HPSE2: variants seen among roughly 807,000 people sequenced by gnomAD.
The protein encoded by HPSE2 is inactive heparanase-2.
Under a neutral mutation model 60.5 loss-of-function variants are expected in HPSE2, and 38 were observed. The ratio of observed to expected loss-of-function variants is 0.63; its 90% CI spans 0.48 to 0.82. The LOEUF (loss-of-function observed/expected upper bound fraction) is 0.82. Ranked by LOEUF, HPSE2 falls within the 40% of genes least tolerant of loss-of-function variation. HPSE2 has a pLI of 0.00. For synonymous variants in HPSE2, 295 were observed against 293.2 expected (o/e 1.01, Z -0.06); for missense variants, 713 against 740.4 (o/e 0.96, Z 0.43).
chr10:99,306,052 G>A, the HPSE2 span, among the ~76,000 whole-genome samples: 2 of 147,372 alleles, frequency 1.4e-5, no homozygotes, highest in Non-Finnish European at 3.0e-5. Context: ...AAGGAAGAGA[G>A]AAGAAAAAAA....
chr10:99,244,382 TTTA>T, the HPSE2 span, among the ~76,000 whole-genome samples: 22,824 of 134,048 alleles, frequency 0.17, 2,872 homozygotes, highest in African/African-American at 0.36. Context: ...TTTTATTTCT[TTTA>T]TTATTATTAT....
At chr10:99,141,206 CCTT>C (rs896023047) in intron 3 of HPSE2, among the ~76,000 whole-genome samples, 3 of 152,136 alleles carry the variant, frequency 2.0e-5, no homozygotes, top group Non-Finnish European at 4.4e-5. Context: ...ATTAGCCACT[CCTT>C]GAGTGACATG....
At chr10:98,561,171 T>TTG (rs1554939866) in intron 9 of HPSE2, among the ~76,000 whole-genome samples, 1 of 150,122 alleles carries the variant, frequency 6.7e-6, no homozygotes, top group Non-Finnish European at 1.5e-5. Flanking sequence ...TTTTGTTCTT[T>TTG]TTTTTGTTTT....
chr10:98,862,752 C>G (rs1952488742), intron 3 of HPSE2, among the ~76,000 whole-genome samples: 1 of 152,034 alleles, frequency 6.6e-6, no homozygotes, highest in Non-Finnish European at 1.5e-5. Context: ...GAGGTGAAAA[C>G]AATGCTGTTG....
At chr10:99,034,034 G>A (rs1589550856) in intron 3 of HPSE2, among the ~76,000 whole-genome samples, 1 of 152,148 alleles carries the variant, frequency 6.6e-6, no homozygotes, top group Non-Finnish European at 1.5e-5. Flanking sequence ...ATGTGCATAT[G>A]TTTAGCAACT....
chr10:99,198,259 A>C (rs577499861), intron 2 of HPSE2, among the ~76,000 whole-genome samples: 1 of 152,312 alleles, frequency 6.6e-6, no homozygotes, highest in East Asian at 1.9e-4. Context: ...GTGAGTAATA[A>C]TAATTTTTTC....
At chr10:99,296,580 T>C in the HPSE2 span, among the ~76,000 whole-genome samples, 2 of 152,244 alleles carry the variant, frequency 1.3e-5, no homozygotes, top group African/African-American at 4.8e-5. Context: ...TGTAACACTG[T>C]TTCTTTAATA....
chr10:98,591,362 T>A (rs1455184339), intron 9 of HPSE2, among the ~76,000 whole-genome samples: 2 of 152,116 alleles, frequency 1.3e-5, no homozygotes, highest in Non-Finnish European at 2.9e-5. Context: ...TCCAGAGACA[T>A]GTATAAGATC....
At chr10:98,745,191 G>A (rs1949599918) in intron 3 of HPSE2, among the ~76,000 whole-genome samples, 1 of 152,108 alleles carries the variant, frequency 6.6e-6, no homozygotes, top group Non-Finnish European at 1.5e-5. Flanking sequence ...GACAGAGTGA[G>A]GCTCCGTCTC....
chr10:98,981,939 G>A (rs556449231), intron 3 of HPSE2, among the ~76,000 whole-genome samples: 67 of 151,970 alleles, frequency 4.4e-4, no homozygotes, highest in Middle Eastern at 3.4e-3. Flanking sequence ...CCTCCTTACT[G>A]GCCTCTTTTT....
chr10:98,481,239 A>T (rs1941222985), intron 11 of HPSE2, among the ~76,000 whole-genome samples: 1 of 152,198 alleles, frequency 6.6e-6, no homozygotes, highest in Admixed American at 6.5e-5. Context: ...TGCACTCATG[A>T]TCCTCAGAAA....
chr10:98,505,466 A>G (rs1942170460), intron 9 of HPSE2, among the ~76,000 whole-genome samples: 1 of 152,164 alleles, frequency 6.6e-6, no homozygotes, highest in African/African-American at 2.4e-5. Flanking sequence ...TTGTTTCCCA[A>G]AGGTGATTCC....
At chr10:99,237,205 A>C (rs1849880887), upstream of HPSE2, among the ~76,000 whole-genome samples, 1 of 152,194 alleles carries the variant, frequency 6.6e-6, no homozygotes, top group African/African-American at 2.4e-5. Context: ...TTCTGAGACA[A>C]AATGGGACTT....
At chr10:98,919,706 T>C (rs1434882554) in intron 3 of HPSE2, among the ~76,000 whole-genome samples, 1 of 152,122 alleles carries the variant, frequency 6.6e-6, no homozygotes, top group Non-Finnish European at 1.5e-5. Flanking sequence ...ATCTGAAGCA[T>C]TTAGAAAAAA....
At chr10:98,995,054 T>C (rs1313263147) in intron 3 of HPSE2, among the ~76,000 whole-genome samples, 1 of 152,190 alleles carries the variant, frequency 6.6e-6, no homozygotes, top group African/African-American at 2.4e-5. Context: ...CCAGGAGCTT[T>C]TCCCAACTCT....
chr10:98,867,146 AG>A (rs1176530084), intron 3 of HPSE2, among the ~76,000 whole-genome samples: 1 of 152,158 alleles, frequency 6.6e-6, no homozygotes, highest in Non-Finnish European at 1.5e-5. Context: ...CCTTGATTTG[AG>A]GAGATAGAGA....
At chr10:98,593,620 C>T (rs147990729) in intron 9 of HPSE2, among the ~76,000 whole-genome samples, 4 of 152,196 alleles carry the variant, frequency 2.6e-5, no homozygotes, top group African/African-American at 7.2e-5. Flanking sequence ...AAAGTAATGA[C>T]AGTGGATGGC....
chr10:98,839,342 A>G (rs1415890110), intron 3 of HPSE2, among the ~76,000 whole-genome samples: 1 of 152,190 alleles, frequency 6.6e-6, no homozygotes. Context: ...AGCCTCCCCA[A>G]TACTCTGTTT....
At chr10:99,035,841 G>C (rs1957597485) in intron 3 of HPSE2, among the ~76,000 whole-genome samples, 1 of 152,088 alleles carries the variant, frequency 6.6e-6, no homozygotes, top group Non-Finnish European at 1.5e-5. Context: ...TTCTAGCTTT[G>C]TCCGATGAGA....
Sources: allele counts gnomAD v4.1 joint callset (sites outside exome capture counted in the v4.1 genomes callset), GRCh38; gene constraint gnomAD v4.1.1; transcripts MANE v1.5; gene names NCBI Gene and HGNC (gene_info 2026-07-23, HGNC 2026-07-21).